SKAP2: variants seen among roughly 807,000 people sequenced by gnomAD.
SKAP2 encodes src kinase-associated phosphoprotein 2.
Under a neutral mutation model 54.9 loss-of-function variants are expected in SKAP2, and 28 were observed. That is an observed-to-expected ratio of 0.51 (90% CI 0.38 to 0.70). The LOEUF (loss-of-function observed/expected upper bound fraction) is 0.70, where lower values mean the gene tolerates loss of function less well. Ranked by LOEUF, SKAP2 falls within the 30% of genes least tolerant of loss-of-function variation. SKAP2 has a pLI of 0.00. For synonymous variants in SKAP2, 137 were observed against 134.3 expected, an observed-to-expected ratio of 1.02 and a Z score of -0.14; for missense variants, 356 against 424.1, an observed-to-expected ratio of 0.84 and a Z score of 1.41.
intron 4 of SKAP2, among the ~76,000 whole-genome samples, chr7:26,823,110 T>C (rs1048498933): frequency 6.6e-6 from 1 of 151,604 alleles, no homozygotes; most frequent in African/African-American, 2.4e-5. Context: ...GCTACTCCAG[T>C]GAACACACAA....
chr7:26,826,118 T>TATACACACACACACACAC (rs775976113), intron 4 of SKAP2, among the ~76,000 whole-genome samples: 22 of 150,026 alleles, frequency 1.5e-4, no homozygotes, highest in African/African-American at 5.4e-4. Context: ...ATTCGTGCAA[T>TATACACACACACACACAC]ACACACACAC....
Position 26,738,795 on chromosome 7 carries a change from CT to C in SKAP2, c.468del (p.Asp157ThrfsTer10). 6.4e-7 allele frequency: 1 copy of C among 1,566,008 alleles called. No individual in the cohort carries two copies. ...TGATATAATTGAACACCAACATTAC[CT>C]TTATCACTTCCATAATAATAGAATA... is the stretch of plus-strand genomic sequence containing the variant. ...KTVFYYYGSD[K>X]DKQQKGEFAI... On this transcript the variant is annotated frameshift_variant and splice_region_variant, in exon 6 of 13. Transcript: ENST00000345317. LOFTEE classifies it high-confidence loss of function.
At chr7:26,666,474 G>A (rs1268340266), downstream of SKAP2, among the ~76,000 whole-genome samples, 3 of 152,106 alleles carry the variant, frequency 2.0e-5, no homozygotes, top group Non-Finnish European at 2.9e-5. Context: ...CTAAGAGTGA[G>A]CCTTTGTACA....
chr7:26,728,253 C>G (rs1040832955), intron 6 of SKAP2, among the ~76,000 whole-genome samples: 4 of 152,156 alleles, frequency 2.6e-5, no homozygotes, highest in African/African-American at 9.6e-5. Context: ...AAGCATTTCC[C>G]AAAGATATTA....
At chr7:26,693,771 A>G (rs1035835045) in intron 9 of SKAP2, among the ~76,000 whole-genome samples, 2 of 152,210 alleles carry the variant, frequency 1.3e-5, no homozygotes, top group Non-Finnish European at 2.9e-5. Context: ...TGCATTTAAT[A>G]TATCAATTTT....
At chr7:26,714,087 G>C (rs1194133077) in intron 9 of SKAP2, among the ~76,000 whole-genome samples, 1 of 152,110 alleles carries the variant, frequency 6.6e-6, no homozygotes, top group East Asian at 1.9e-4. Flanking sequence ...TAAGGAATGA[G>C]GATAGAAAAC....
chr7:26,725,444 A>C lies in SKAP2; in HGVS notation c.780T>G (p.Ile260Met), dbSNP rs1332974809. The C allele has an allele frequency of 2.5e-6, 4 of 1,610,774 alleles. No homozygotes were observed. The highest frequency in any genetic ancestry group is 3.4e-6 in the Non-Finnish European group (4 of 1,178,892). The change falls in exon 9 of 13, where the codon ATT (isoleucine) becomes ATG (methionine). Residue 260 changes from isoleucine to methionine, a missense_variant. Ile to Met is a conservative substitution (Grantham distance 10). Coordinates refer to ENST00000345317, the MANE Select transcript of SKAP2 (RefSeq NM_003930.5). ...AGTAAATACCTGGAAGTTCTTCATA[A>C]ATTTCATCATCTATTGGTTGACTGC... ...LTSSQPIDDE[I>M]YEELPEEEED... is the part of the protein sequence containing the mutation.
chr7:26,678,033 C>T (rs1786392275), intron 11 of SKAP2, among the ~76,000 whole-genome samples: 1 of 152,186 alleles, frequency 6.6e-6, no homozygotes, highest in Admixed American at 6.5e-5. Flanking sequence ...TAGGGTCAGA[C>T]CTGTATTGAT....
intron 4 of SKAP2, among the ~76,000 whole-genome samples, chr7:26,804,511 C>T (rs190493189): frequency 1.2e-3 from 188 of 152,172 alleles, no homozygotes; most frequent in African/African-American, 4.0e-3. Context: ...GAGGCCAAGG[C>T]GGGCAGATCA....
chr7:26,694,816 T>C, intron 9 of SKAP2, among the ~76,000 whole-genome samples: 1 of 152,188 alleles, frequency 6.6e-6, no homozygotes, highest in African/African-American at 2.4e-5. Flanking sequence ...GTCATGGCCC[T>C]TTTTCCCCCT....
chr7:26,854,977 T>C, intron 1 of SKAP2, 87 bp from the exon 2 acceptor site: 1 of 906,768 alleles, frequency 1.1e-6, no homozygotes. Context: ...TGTTTCTACA[T>C]ATAAGTGTTA....
At chr7:26,805,584 G>A (rs1784009484) in intron 4 of SKAP2, among the ~76,000 whole-genome samples, 1 of 152,130 alleles carries the variant, frequency 6.6e-6, no homozygotes, top group South Asian at 2.1e-4. Flanking sequence ...AGTAGACAGT[G>A]GAAAAACTCA....
At chr7:26,780,836 C>A (rs190956564) in intron 4 of SKAP2, among the ~76,000 whole-genome samples, 5 of 151,952 alleles carry the variant, frequency 3.3e-5, no homozygotes, top group Admixed American at 2.0e-4. Context: ...ATTCATGGGC[C>A]CAATCTTTTC....
At chr7:26,693,992 C>T (rs901693592) in intron 9 of SKAP2, among the ~76,000 whole-genome samples, 5 of 151,982 alleles carry the variant, frequency 3.3e-5, no homozygotes, top group Admixed American at 2.0e-4. Context: ...ACAAATAAAT[C>T]TTAACATATT....
At chr7:26,776,716 T>C (rs1022484467) in intron 4 of SKAP2, among the ~76,000 whole-genome samples, 12 of 152,198 alleles carry the variant, frequency 7.9e-5, no homozygotes, top group Non-Finnish European at 1.5e-4. Flanking sequence ...CTACTTCTGG[T>C]ATTTCAAGGC....
At position 26,734,638 on chromosome 7, in the gene SKAP2, C is replaced by A. The variant is rs530035902; in HGVS notation, c.469+4157G>T. Reference sequence around the variant, plus strand: ...GGGAAGTCCAAGATCAAGGCACCAGCAGGGTCAGTGCCTAGTGAGGGCTGC... The same window carrying A: ...GGGAAGTCCAAGATCAAGGCACCAGAAGGGTCAGTGCCTAGTGAGGGCTGC... On this transcript the variant is annotated intron_variant, in intron 6 of 12. Coordinates refer to ENST00000345317, the MANE Select transcript of SKAP2 (RefSeq NM_003930.5). 2.0e-5 allele frequency among the ~76,000 whole-genome samples: 3 copies of A among 152,180 alleles called. No individual in the cohort carries two copies. In the South Asian group the frequency reaches 6.2e-4, roughly 32 times the overall value.
At chr7:26,779,877 T>C (rs1783390172) in intron 4 of SKAP2, among the ~76,000 whole-genome samples, 1 of 152,056 alleles carries the variant, frequency 6.6e-6, no homozygotes, top group Non-Finnish European at 1.5e-5. Flanking sequence ...AAAAACAGGT[T>C]TAAATAATTT....
intron 4 of SKAP2, among the ~76,000 whole-genome samples, chr7:26,754,637 T>A (rs1340971255): frequency 6.6e-6 from 1 of 152,104 alleles, no homozygotes; most frequent in African/African-American, 2.4e-5. Context: ...ACGTCAAAAT[T>A]AAACTTTGAA....
intron 4 of SKAP2, among the ~76,000 whole-genome samples, chr7:26,790,936 T>C (rs73065517): frequency 0.21 from 32,627 of 152,088 alleles, 3,588 homozygotes; most frequent in Non-Finnish European, 0.24. Context: ...AAACTGTCGA[T>C]ATTTTTAATA....
Sources: gnomAD v4.1 joint callset for allele counts (sites outside exome capture counted in the v4.1 genomes callset) on GRCh38, gnomAD v4.1.1 for gene constraint, MANE v1.5 for transcripts, NCBI Gene and HGNC (gene_info 2026-07-23, HGNC 2026-07-21) for gene names.